ATXN7L1: variants seen among roughly 807,000 people sequenced by gnomAD.
The protein encoded by ATXN7L1 is ataxin-7-like protein 1.
In ATXN7L1, 15 loss-of-function variants were observed where a neutral mutation model predicts 70.8. The observed-to-expected ratio is 0.21, with a 90% CI of 0.14 to 0.33. ATXN7L1 has a LOEUF of 0.33. Among genes scored for constraint, ATXN7L1 ranks in the 10% least tolerant of loss-of-function variants. The probability of loss-of-function intolerance (pLI) is 1.00; values close to 1 mark genes in which losing one functional copy is unlikely to be tolerated. For missense variants in ATXN7L1, 975 were observed against 1,097.1 expected (o/e 0.89, Z 1.57); for synonymous variants, 440 against 445.1 (o/e 0.99, Z 0.14).
intron 2 of ATXN7L1, among the ~76,000 whole-genome samples, chr7:105,791,860 A>C (rs1176675000): frequency 6.6e-6 from 1 of 152,238 alleles, no homozygotes. Flanking sequence ...GATATTAAAA[A>C]TTAAAACAAC....
intron 7 of ATXN7L1, among the ~76,000 whole-genome samples, chr7:105,634,357 G>A (rs1293640609): frequency 6.6e-6 from 1 of 152,180 alleles, no homozygotes; most frequent in Non-Finnish European, 1.5e-5. Context: ...GCATCAGTTT[G>A]TCTGAGCGCA....
intron 3 of ATXN7L1, among the ~76,000 whole-genome samples, chr7:105,787,639 G>T (rs1804501685): frequency 6.6e-6 from 1 of 152,146 alleles, no homozygotes; most frequent in African/African-American, 2.4e-5. Flanking sequence ...TAACTGAAGA[G>T]GTGGGGAAAA....
At chr7:105,766,805 C>G (rs1488420510) in intron 3 of ATXN7L1, among the ~76,000 whole-genome samples, 1 of 152,190 alleles carries the variant, frequency 6.6e-6, no homozygotes, top group Non-Finnish European at 1.5e-5. Flanking sequence ...TTTAAAGGAG[C>G]TGTTCAGGCT....
chr7:105,724,994 A>T (rs1795639716), intron 3 of ATXN7L1, among the ~76,000 whole-genome samples: 1 of 151,940 alleles, frequency 6.6e-6, no homozygotes, highest in South Asian at 2.1e-4. Flanking sequence ...TGCCTGGCTG[A>T]CTTCTTTTAT....
intron 3 of ATXN7L1, chr7:105,760,335 G>T: frequency 1.1e-6 from 1 of 916,540 alleles, no homozygotes; most frequent in Non-Finnish European, 1.3e-6. Flanking sequence ...TGAGGGGGCT[G>T]TTAGGATCCC....
chr7:105,751,439 C>T (rs1310769125), intron 3 of ATXN7L1, among the ~76,000 whole-genome samples: 1 of 152,078 alleles, frequency 6.6e-6, no homozygotes, highest in East Asian at 1.9e-4. Flanking sequence ...CGAGACCAGC[C>T]TGGGCAACAT....
At chr7:105,874,049 C>T (rs1818663404) in intron 2 of ATXN7L1, among the ~76,000 whole-genome samples, 1 of 146,852 alleles carries the variant, frequency 6.8e-6, no homozygotes, top group African/African-American at 2.5e-5. Flanking sequence ...CGCTTGAACC[C>T]GGGAGGCGGA....
rs774904100 is a variant in ATXN7L1 at position 105,876,591 on chromosome 7, A to C, written c.-33T>G. 3 of 363,166 alleles carry C rather than the reference A, an allele frequency of 8.3e-6. No individual in the cohort carries two copies. The highest frequency in any genetic ancestry group is 7.4e-5 in the South Asian group (3 of 40,750). 22.5% of individuals were successfully genotyped at this position (363,166 alleles called of 1,614,324 possible). On this transcript the variant is annotated 5_prime_UTR_variant, in exon 1 of 12. Coordinates refer to ENST00000419735, the MANE Select transcript of ATXN7L1 (RefSeq NM_020725.2). Reference sequence around the variant, plus strand: ...ACGTTCCGACATTGAGTGTTCTGAAAGGGGGAGGGAGGGAGGAAGGGCGGG... The same window carrying C: ...ACGTTCCGACATTGAGTGTTCTGAACGGGGGAGGGAGGGAGGAAGGGCGGG...
chr7:105,635,384 G>A (rs1374467388), intron 7 of ATXN7L1, among the ~76,000 whole-genome samples: 1 of 152,230 alleles, frequency 6.6e-6, no homozygotes, highest in African/African-American at 2.4e-5. Context: ...GCAGGCATAT[G>A]GAAACCAGGC....
intron 3 of ATXN7L1, among the ~76,000 whole-genome samples, chr7:105,762,129 C>T (rs925960233): frequency 9.9e-5 from 15 of 152,210 alleles, no homozygotes; most frequent in Non-Finnish European, 1.9e-4. Context: ...TGACTGCTGC[C>T]ATTACTGGCA....
intron 3 of ATXN7L1, among the ~76,000 whole-genome samples, chr7:105,731,751 A>AAGAAAAGAAAAGAAAAGAAAAGAGAAG (rs879917761): frequency 2.1e-5 from 2 of 94,534 alleles, no homozygotes; most frequent in African/African-American, 3.3e-5. Flanking sequence ...ACTCCTTAAA[A>AAGAAAAGAAAAGAAAAGAAAAGAGAAG]AGAAAAGAAA....
chr7:105,853,284 C>T (rs1815161120), intron 2 of ATXN7L1, among the ~76,000 whole-genome samples: 1 of 152,250 alleles, frequency 6.6e-6, no homozygotes, highest in Admixed American at 6.5e-5. Context: ...TGCAGTGACT[C>T]ACGCCTGTAA....
intron 2 of ATXN7L1, among the ~76,000 whole-genome samples, chr7:105,832,103 T>C (rs1259544730): frequency 6.6e-6 from 1 of 152,122 alleles, no homozygotes; most frequent in South Asian, 2.1e-4. Context: ...GAGGGCCTAT[T>C]GAAGAAATAA....
At chr7:105,871,510 G>C (rs977830603) in intron 2 of ATXN7L1, among the ~76,000 whole-genome samples, 2 of 152,114 alleles carry the variant, frequency 1.3e-5, no homozygotes, top group East Asian at 3.9e-4. Context: ...TCTGGAGTTC[G>C]AGACCAGCCT....
intron 3 of ATXN7L1, among the ~76,000 whole-genome samples, chr7:105,684,206 G>A (rs73192194): frequency 6.6e-6 from 1 of 152,216 alleles, no homozygotes; most frequent in Non-Finnish European, 1.5e-5. Context: ...TGAATCCCAT[G>A]TCTGCGTTGT....
chr7:105,698,945 A>C (rs1337795792), intron 3 of ATXN7L1, among the ~76,000 whole-genome samples: 1 of 152,194 alleles, frequency 6.6e-6, no homozygotes, highest in African/African-American at 2.4e-5. Context: ...CTTACTAGGC[A>C]TATCTGGAAA....
At chr7:105,705,014 T>TTTTATTTATTTA (rs377314818) in intron 3 of ATXN7L1, among the ~76,000 whole-genome samples, 2 of 151,452 alleles carry the variant, frequency 1.3e-5, no homozygotes, top group South Asian at 4.2e-4. Context: ...TTATTTTTTA[T>TTTTATTTATTTA]TTTATTTATT....
At chr7:105,850,864 T>A (rs773229051) in intron 2 of ATXN7L1, among the ~76,000 whole-genome samples, 1 of 152,114 alleles carries the variant, frequency 6.6e-6, no homozygotes, top group Admixed American at 6.5e-5. Context: ...TACAGACAGA[T>A]CTCAGAGATA....
At chr7:105,626,319 A>G (rs927935959) in intron 7 of ATXN7L1, among the ~76,000 whole-genome samples, 2 of 152,248 alleles carry the variant, frequency 1.3e-5, no homozygotes, top group African/African-American at 4.8e-5. Flanking sequence ...TGAGATACCT[A>G]GACAGAAAGT....
Sources: gnomAD v4.1 joint callset for allele counts (sites outside exome capture counted in the v4.1 genomes callset) on GRCh38, gnomAD v4.1.1 for gene constraint, MANE v1.5 for transcripts, NCBI Gene and HGNC (gene_info 2026-07-23, HGNC 2026-07-21) for gene names.